TRPM8: variants seen among roughly 807,000 people sequenced by gnomAD.
TRPM8 encodes TRPM8 cationic channel.
TRPM8 carries 110 observed loss-of-function variants against 133.7 expected under a neutral mutation model. The observed-to-expected ratio is 0.82, with a 90% CI of 0.70 to 0.96. The LOEUF (loss-of-function observed/expected upper bound fraction) is 0.96. Ranked by LOEUF, TRPM8 falls within the 40% of genes least tolerant of loss-of-function variation. The pLI is 0.00. For missense variants in TRPM8, 1,291 were observed against 1,379.5 expected (o/e 0.94, Z 1.02); for synonymous variants, 535 against 532.3 (o/e 1.01, Z -0.07).
chr2:233,937,916 C>T (rs1291146091), intron 4 of TRPM8, among the ~76,000 whole-genome samples: 1 of 152,206 alleles, frequency 6.6e-6, no homozygotes. Flanking sequence ...CAAGGTTTCA[C>T]AAAGGTGTTT....
intron 11 of TRPM8, 123 bp from the exon 12 acceptor site, chr2:233,960,653 A>G (rs556069428): frequency 1.4e-6 from 1 of 731,790 alleles, no homozygotes; most frequent in Non-Finnish European, 2.3e-6. Flanking sequence ...ATTGAAAGAG[A>G]AGTTGAAGAT....
chr2:233,995,452 A>T (rs981116125), intron 21 of TRPM8, among the ~76,000 whole-genome samples: 2 of 152,216 alleles, frequency 1.3e-5, no homozygotes, highest in African/African-American at 4.8e-5. Context: ...CTGGAAAGCA[A>T]ATGGAAAAGA....
intron 17 of TRPM8, among the ~76,000 whole-genome samples, chr2:233,971,874 C>T (rs1418842473): frequency 6.6e-6 from 1 of 152,146 alleles, no homozygotes; most frequent in Non-Finnish European, 1.5e-5. Flanking sequence ...CTGGCTCGCG[C>T]AGCCTGCTTT....
At chr2:233,939,197 G>C in intron 5 of TRPM8, 22 bp downstream of exon 5, 2 of 1,610,924 alleles carry the variant, frequency 1.2e-6, no homozygotes, top group Non-Finnish European at 1.7e-6. Flanking sequence ...AGCAGCGACC[G>C]CGGGTTCTTC....
intron 1 of TRPM8, among the ~76,000 whole-genome samples, chr2:233,920,105 G>A (rs375254332): frequency 3.9e-5 from 6 of 152,262 alleles, no homozygotes; most frequent in African/African-American, 1.4e-4. Context: ...GTGGGGCCCA[G>A]CACTCTGAGT....
At chr2:233,974,887 C>CAG (rs368489444) in intron 17 of TRPM8, among the ~76,000 whole-genome samples, 5,176 of 149,508 alleles carry the variant, frequency 0.035, 284 homozygotes, top group African/African-American at 0.12. Context: ...GAGAGAGAGA[C>CAG]AGAGAGAGAG....
intron 21 of TRPM8, among the ~76,000 whole-genome samples, chr2:233,994,139 A>C (rs1692347226): frequency 1.3e-5 from 2 of 152,218 alleles, no homozygotes; most frequent in African/African-American, 4.8e-5. Flanking sequence ...CCAAGTAGTA[A>C]ACTGATTTCT....
chr2:233,938,867 TC>T, intron 4 of TRPM8, 130 bp from the exon 5 acceptor site: 1 of 972,440 alleles, frequency 1.0e-6, no homozygotes, highest in Non-Finnish European at 1.5e-6. Flanking sequence ...AATGCCGCGA[TC>T]CCTGCTGCCC....
At chr2:233,961,630 CTTTTTTTTTTT>C (rs57935574) in intron 12 of TRPM8, among the ~76,000 whole-genome samples, 1 of 111,662 alleles carries the variant, frequency 9.0e-6, no homozygotes, top group Admixed American at 9.3e-5. Context: ...CTTTTCTTTT[CTTTTTTTTTTT>C]TTTTTTGAGA....
intron 24 of TRPM8, among the ~76,000 whole-genome samples, chr2:234,012,889 G>A (rs1367447490): frequency 1.3e-5 from 2 of 151,168 alleles, no homozygotes; most frequent in East Asian, 3.9e-4. Context: ...TGTGGTTTTT[G>A]TCTTTCATTC....
chr2:234,016,839 G>T (rs1692967884), intron 25 of TRPM8, among the ~76,000 whole-genome samples: 1 of 152,160 alleles, frequency 6.6e-6, no homozygotes, highest in South Asian at 2.1e-4. Context: ...TTCATTTCCT[G>T]CATAATAGTC....
intron 15 of TRPM8, among the ~76,000 whole-genome samples, chr2:233,969,268 G>A (rs190357546): frequency 1.6e-4 from 25 of 151,862 alleles, no homozygotes; most frequent in East Asian, 1.5e-3. Flanking sequence ...ACCTGAGGTC[G>A]GGAGTTTGTG....
chr2:233,947,294 T>C (rs1691067316), intron 8 of TRPM8, 139 bp downstream of exon 8: 2 of 1,549,210 alleles, frequency 1.3e-6, no homozygotes, highest in East Asian at 2.4e-5. Context: ...CTCCACATAC[T>C]GTTCCCCTAA....
At chr2:233,959,502 G>A (rs1197553621) in intron 11 of TRPM8, among the ~76,000 whole-genome samples, 1 of 151,258 alleles carries the variant, frequency 6.6e-6, no homozygotes, top group Non-Finnish European at 1.5e-5. Flanking sequence ...GTAGAGATGA[G>A]GTTTCACCAT....
chr2:233,997,732 G>T (rs150363119), intron 22 of TRPM8, among the ~76,000 whole-genome samples: 20 of 152,170 alleles, frequency 1.3e-4, no homozygotes, highest in Non-Finnish European at 2.6e-4. Context: ...ATGTCTTCAG[G>T]AAGGCAGCCA....
Position 233,989,188 on chromosome 2 carries a change from A to G in TRPM8, c.2939+3323A>G. Reference sequence around the variant, plus strand: ...TGAGAACCGGGCACTTTTGTAATCCATTACCTGCATTTTGATAATGAAATG... The same window carrying G: ...TGAGAACCGGGCACTTTTGTAATCCGTTACCTGCATTTTGATAATGAAATG... On this transcript the variant is annotated intron_variant, in intron 21 of 25. Coordinates refer to ENST00000324695, the MANE Select transcript of TRPM8 (RefSeq NM_024080.5). The surrounding 1 kb of genome is among the most constrained non-coding windows in gnomAD (Gnocchi z 4.2). Among the ~76,000 whole-genome samples the G allele has an allele frequency of 6.6e-6, 1 of 152,300 alleles. No individual in the cohort carries two copies. Among genetic ancestry groups the G allele is most frequent in the Middle Eastern group, 3.4e-3 (1 of 294 alleles).
intron 21 of TRPM8, among the ~76,000 whole-genome samples, chr2:233,986,843 G>A (rs1352272163): frequency 6.6e-6 from 1 of 152,124 alleles, no homozygotes; most frequent in Non-Finnish European, 1.5e-5. Context: ...AGAAAGAAAA[G>A]TCCAATGGCC....
At chr2:233,987,096 G>A (rs1692164786) in intron 21 of TRPM8, among the ~76,000 whole-genome samples, 1 of 152,160 alleles carries the variant, frequency 6.6e-6, no homozygotes, top group Non-Finnish European at 1.5e-5. Flanking sequence ...TCACATCTGG[G>A]AATCTATCCT....
rs368803601 is a variant in TRPM8 at position 233,974,869 on chromosome 2, CAG to C, written c.2355+4459_2355+4460del. On this transcript the variant is annotated intron_variant, in intron 17 of 25. Coordinates refer to ENST00000324695, the MANE Select transcript of TRPM8 (RefSeq NM_024080.5). ...GAAATGAGTCATGAGCACAAATTAG[CAG>C]AGAGAGAGAGAGAGACAGAGAGAGA... 8.4e-3 allele frequency among the ~76,000 whole-genome samples: 1,244 copies of C among 148,830 alleles called. 3 individuals are homozygous for C. Among genetic ancestry groups the C allele is most frequent in the Non-Finnish European group, 0.011 (758 of 67,142 alleles).
Sources: gnomAD v4.1 joint callset for allele counts (sites outside exome capture counted in the v4.1 genomes callset) on GRCh38, gnomAD v4.1.1 for gene constraint, Gnocchi (gnomAD v3.1) non-coding constraint, MANE v1.5 for transcripts, NCBI Gene and HGNC (gene_info 2026-07-23, HGNC 2026-07-21) for gene names.